Variants in CCDC141 observed in about 807,000 individuals in gnomAD.
The protein encoded by CCDC141 is coiled-coil domain-containing protein 141.
In CCDC141, 168 loss-of-function variants were observed where a neutral mutation model predicts 181.0. The ratio of observed to expected loss-of-function variants is 0.93; its 90% CI spans 0.82 to 1.05. The LOEUF (loss-of-function observed/expected upper bound fraction) is 1.05. CCDC141 is among the 50% of genes least tolerant of loss of function. The probability of loss-of-function intolerance (pLI) is 0.00; values close to 1 mark genes in which losing one functional copy is unlikely to be tolerated. For synonymous variants in CCDC141, 666 were observed against 642.3 expected (o/e 1.04, Z -0.56); for missense variants, 1,902 against 1,788.5 (o/e 1.06, Z -1.14).
Position 178,896,719 on chromosome 2 carries a change from T to C in CCDC141, c.1266-8051A>G, listed in dbSNP as rs571217328. ...GTAGTTCAGATCAGCTTTCAAGTAC[T>C]CACACCAACCCTTACTGCAGTGTGA... is the stretch of plus-strand genomic sequence containing the variant. On this transcript the variant is annotated intron_variant, in intron 8 of 23. Transcript: ENST00000443758. Among the ~76,000 whole-genome samples the C allele has an allele frequency of 1.3e-3, 203 of 152,298 alleles. 1 individual carries two copies. The highest frequency in any genetic ancestry group is 1.2e-3 in the Non-Finnish European group (83 of 68,026).
chr2:179,004,880 C>T (rs571207543), intron 2 of CCDC141, among the ~76,000 whole-genome samples: 65 of 152,186 alleles, frequency 4.3e-4, no homozygotes, highest in African/African-American at 1.2e-3. Flanking sequence ...TATAGGCACA[C>T]GCCAGTGTGC....
At chr2:178,892,926 G>C (rs1401899580) in intron 8 of CCDC141, among the ~76,000 whole-genome samples, 1 of 152,174 alleles carries the variant, frequency 6.6e-6, no homozygotes, top group Non-Finnish European at 1.5e-5. Context: ...GATTGGGTGG[G>C]AGAGGGGCTA....
intron 14 of CCDC141, among the ~76,000 whole-genome samples, chr2:178,870,297 G>A (rs113229277): frequency 1.4e-4 from 21 of 148,272 alleles, no homozygotes; most frequent in Non-Finnish European, 3.0e-4. Flanking sequence ...AATTTCAAGT[G>A]TAGATCTTTT....
intron 2 of CCDC141, among the ~76,000 whole-genome samples, chr2:179,025,492 AC>A (rs1350820225): frequency 5.3e-5 from 8 of 152,156 alleles, no homozygotes. Context: ...GTAAGACATG[AC>A]TTGCACCTCC....
chr2:179,037,876 G>A (rs927212205), intron 2 of CCDC141, among the ~76,000 whole-genome samples: 4 of 152,156 alleles, frequency 2.6e-5, no homozygotes, highest in African/African-American at 4.8e-5. Flanking sequence ...TGGACAAGAC[G>A]TGGACCAATC....
intron 20 of CCDC141, among the ~76,000 whole-genome samples, chr2:178,853,191 AAAGAG>A (rs1446546273): frequency 6.6e-6 from 1 of 152,192 alleles, no homozygotes; most frequent in Non-Finnish European, 1.5e-5. Flanking sequence ...ATGGAGGAGA[AAAGAG>A]AATAGAGAAG....
At chr2:178,815,282 T>C in the CCDC141 span, among the ~76,000 whole-genome samples, 1 of 152,204 alleles carries the variant, frequency 6.6e-6, no homozygotes, top group Non-Finnish European at 1.5e-5. Flanking sequence ...AATCCCTGAA[T>C]CATATTTTAA....
At chr2:178,960,657 C>A (rs530221222) in intron 5 of CCDC141, among the ~76,000 whole-genome samples, 112 of 152,252 alleles carry the variant, frequency 7.4e-4, no homozygotes, top group Non-Finnish European at 8.8e-4. Context: ...ACATTGACGA[C>A]CCATCAGAAA....
At position 179,045,333 on chromosome 2, in the gene CCDC141, G is replaced by A. The variant is rs377575091; in HGVS notation, c.225+1951C>T. ...CAATTTCATCCATGTCCCTACAAAG[G>A]ACATGAACTCATCATTTTTTATGGC... On this transcript the variant is annotated intron_variant, in intron 2 of 23. Coordinates refer to ENST00000443758, the MANE Select transcript of CCDC141 (RefSeq NM_173648.4). Among the ~76,000 whole-genome samples the A allele has an allele frequency of 1.9e-3, 257 of 138,292 alleles. 1 individual carries two copies. Among genetic ancestry groups the A allele is most frequent in the South Asian group, 0.018 (75 of 4,128 alleles). The allele number at this position is 138,292 out of a possible 152,430, so 90.7% of individuals were successfully genotyped here. A position where few individuals can be genotyped will look rare whatever the true frequency, so the allele number is the denominator to read the frequency against.
intron 4 of CCDC141, among the ~76,000 whole-genome samples, chr2:178,966,033 C>A (rs1690613755): frequency 6.6e-6 from 1 of 152,218 alleles, no homozygotes; most frequent in African/African-American, 2.4e-5. Context: ...GAGCCCACTG[C>A]AGCTCAGCAA....
At chr2:178,938,536 G>C (rs1016231756) in intron 6 of CCDC141, among the ~76,000 whole-genome samples, 2 of 152,090 alleles carry the variant, frequency 1.3e-5, no homozygotes, top group African/African-American at 4.8e-5. Context: ...TTTAGAGTAT[G>C]TGCCATGTGG....
intron 5 of CCDC141, among the ~76,000 whole-genome samples, chr2:178,947,453 A>G (rs561136482): frequency 6.6e-6 from 1 of 152,344 alleles, no homozygotes; most frequent in Admixed American, 6.5e-5. Flanking sequence ...GGGGTTAATT[A>G]GAATATTTTT....
intron 2 of CCDC141, among the ~76,000 whole-genome samples, chr2:179,007,401 A>T (rs747813023): frequency 6.6e-6 from 1 of 152,184 alleles, no homozygotes; most frequent in Non-Finnish European, 1.5e-5. Flanking sequence ...AGTAAATTGA[A>T]ATCTTTAAAT....
chr2:179,045,094 C>G (rs1236749800), intron 2 of CCDC141, among the ~76,000 whole-genome samples: 1 of 150,700 alleles, frequency 6.6e-6, no homozygotes, highest in Non-Finnish European at 1.5e-5. Flanking sequence ...ATGTGCCATG[C>G]TGGTGCACTG....
intron 2 of CCDC141, among the ~76,000 whole-genome samples, chr2:179,012,766 C>A (rs34314012): frequency 0.49 from 74,157 of 152,032 alleles, 21,043 homozygotes; most frequent in Non-Finnish European, 0.64. Context: ...GATAACCCAC[C>A]ATGATCAAGT....
chr2:178,902,172 C>T (rs2091883241), intron 8 of CCDC141, among the ~76,000 whole-genome samples: 1 of 152,110 alleles, frequency 6.6e-6, no homozygotes, highest in African/African-American at 2.4e-5. Context: ...TGAAAATGGC[C>T]ATAGTGCCCA....
chr2:178,888,686 G>T lies in CCDC141; in HGVS notation c.1266-18C>A. 6.5e-7 allele frequency: 1 copy of T among 1,550,028 alleles called. No homozygotes were observed. The highest frequency in any genetic ancestry group is 2.4e-5 in the East Asian group (1 of 40,920). On this transcript the variant is annotated intron_variant, in intron 8 of 23. Transcript: ENST00000443758. The stretch of plus-strand genomic sequence containing the variant: ...CCTGAGAGCTGAACAGAGCAAGCCA[G>T]CTGTTAATTCACTCCACCCCAATAT...
intron 2 of CCDC141, among the ~76,000 whole-genome samples, chr2:178,987,783 C>A (rs1370233175): frequency 2.7e-5 from 4 of 150,130 alleles, no homozygotes; most frequent in Non-Finnish European, 5.9e-5. Flanking sequence ...CATCTCACAC[C>A]AGTTAGAATG....
chr2:178,915,625 TA>T (rs1214838563), intron 7 of CCDC141: 1 of 152,244 alleles, frequency 6.6e-6, no homozygotes, highest in Non-Finnish European at 1.5e-5. Context: ...CTTCACCTTT[TA>T]TTCCTGCAGT....
Sources: allele counts gnomAD v4.1 joint callset (sites outside exome capture counted in the v4.1 genomes callset), GRCh38; gene constraint gnomAD v4.1.1; transcripts MANE v1.5; gene names NCBI Gene and HGNC (gene_info 2026-07-23, HGNC 2026-07-21).